OSBPL8: variants seen among roughly 807,000 people sequenced by gnomAD.
The protein encoded by OSBPL8 is oxysterol-binding protein-related protein 8.
In OSBPL8, 59 loss-of-function variants were observed where a neutral mutation model predicts 125.5. The observed-to-expected ratio is 0.47, with a 90% CI of 0.38 to 0.58. The LOEUF (loss-of-function observed/expected upper bound fraction) is 0.58, where lower values mean the gene tolerates loss of function less well. Among genes scored for constraint, OSBPL8 ranks in the 20% least tolerant of loss-of-function variants. The pLI, the probability that OSBPL8 is intolerant of heterozygous loss-of-function variation, is 0.00. For synonymous variants in OSBPL8, 330 were observed against 338.9 expected (o/e 0.97, Z 0.29); for missense variants, 758 against 1,047.8 (o/e 0.72, Z 3.82).
At chr12:76,365,601 T>C (rs1031033999) in intron 21 of OSBPL8, among the ~76,000 whole-genome samples, 2 of 152,218 alleles carry the variant, frequency 1.3e-5, no homozygotes, top group Non-Finnish European at 2.9e-5. Context: ...TCTCTTTTTT[T>C]TCTTGCTCTG....
chr12:76,536,362 A>T (rs1025496818), intron 1 of OSBPL8, among the ~76,000 whole-genome samples: 1 of 151,914 alleles, frequency 6.6e-6, no homozygotes, highest in African/African-American at 2.4e-5. Flanking sequence ...AAATACTAAA[A>T]ATACCAAAAA....
chr12:76,547,900 G>A (rs1380897466), intron 1 of OSBPL8, among the ~76,000 whole-genome samples: 1 of 152,126 alleles, frequency 6.6e-6, no homozygotes, highest in Non-Finnish European at 1.5e-5. Flanking sequence ...TATGAAGCAA[G>A]CAAGAATTCA....
rs148706221 is a variant in OSBPL8, at chr12:76,381,870, G to A, written c.1630+2384C>T. 3.8e-3 allele frequency among the ~76,000 whole-genome samples: 573 copies of A among 152,116 alleles called. 4 individuals carry two copies. Among genetic ancestry groups the A allele is most frequent in the African/African-American group, 0.013 (556 of 41,488 alleles). On this transcript the variant is annotated intron_variant, in intron 15 of 23. Coordinates refer to ENST00000261183, the MANE Select transcript of OSBPL8 (RefSeq NM_020841.5). ...CTGCCTTAGCACTCCAAGTAGCTGG[G>A]ATTACAGGTGTACACCACCATGCCC... is the stretch of plus-strand genomic sequence containing the variant.
At chr12:76,465,165 T>G (rs1208165602) in intron 2 of OSBPL8, among the ~76,000 whole-genome samples, 1 of 152,206 alleles carries the variant, frequency 6.6e-6, no homozygotes, top group Non-Finnish European at 1.5e-5. Context: ...AAGAATATTA[T>G]CTGGCCTGCC....
At chr12:76,457,132 T>C (rs1204221149) in intron 3 of OSBPL8, among the ~76,000 whole-genome samples, 2 of 152,194 alleles carry the variant, frequency 1.3e-5, no homozygotes, top group African/African-American at 4.8e-5. Flanking sequence ...AATAACTTCA[T>C]ACAGAGATGA....
At chr12:76,522,163 C>G (rs1882125046) in intron 1 of OSBPL8, among the ~76,000 whole-genome samples, 1 of 152,116 alleles carries the variant, frequency 6.6e-6, no homozygotes, top group Non-Finnish European at 1.5e-5. Flanking sequence ...ATGCTCTCAT[C>G]TCATTTGTGA....
rs538412939 is a variant in OSBPL8 at position 76,509,716 on chromosome 12, T to C, written c.-67-22098A>G. Among the ~76,000 whole-genome samples the C allele has an allele frequency of 2.8e-3, 429 of 152,258 alleles. 2 individuals carry two copies. The highest frequency in any genetic ancestry group is 0.017 in the Middle Eastern group (5 of 294). ...GGAAGGCAAACAAAAAGTTGGACAC[T>C]GATGGACAAGAAGGAAGTGGATTAG... is the stretch of plus-strand genomic sequence containing the variant. On this transcript the variant is annotated intron_variant, in intron 1 of 23. Transcript: ENST00000261183.
At chr12:76,407,273 A>T (rs904978714) in intron 5 of OSBPL8, among the ~76,000 whole-genome samples, 1 of 152,184 alleles carries the variant, frequency 6.6e-6, no homozygotes, top group African/African-American at 2.4e-5. Flanking sequence ...TATATTTGAG[A>T]CAAGGTCTCA....
chr12:76,395,612 A>G (rs1347163306), intron 8 of OSBPL8, among the ~76,000 whole-genome samples: 1 of 152,204 alleles, frequency 6.6e-6, no homozygotes, highest in African/African-American at 2.4e-5. Flanking sequence ...ACCAGTATAT[A>G]GTGGGACATG....
chr12:76,544,471 T>C (rs1372407485), intron 1 of OSBPL8, among the ~76,000 whole-genome samples: 1 of 152,202 alleles, frequency 6.6e-6, no homozygotes. Context: ...AGTGATATTA[T>C]TGAAATAAGG....
At chr12:76,390,802 A>G (rs1446788471) in intron 10 of OSBPL8, 145 bp from the exon 11 acceptor site, 7 of 598,638 alleles carry the variant, frequency 1.2e-5, no homozygotes, top group Non-Finnish European at 2.1e-5. Context: ...AATTCACTTA[A>G]TCTTCAAAAT....
rs143827329 is a variant in OSBPL8 at position 76,392,422 on chromosome 12, A to G, written c.929+159T>C. 2.0e-5 allele frequency among the ~76,000 whole-genome samples: 3 copies of G among 152,364 alleles called. No homozygotes were observed. The East Asian group carries it at 5.8e-4, about 29-fold the overall frequency. ...GAAATACATTTCTACACCTGATTAT[A>G]GCAGCTAAACAAATTTTAAGCCGGT... is the stretch of plus-strand genomic sequence containing the variant. On this transcript the variant is annotated intron_variant, in intron 10 of 23. Coordinates refer to ENST00000261183, the MANE Select transcript of OSBPL8 (RefSeq NM_020841.5).
chr12:76,448,789 C>A (rs902942820), intron 4 of OSBPL8, among the ~76,000 whole-genome samples: 1 of 152,046 alleles, frequency 6.6e-6, no homozygotes, highest in East Asian at 1.9e-4. Context: ...CCAAGGTGGG[C>A]GGATCACAAG....
At chr12:76,556,356 T>A (rs116763984) in intron 1 of OSBPL8, among the ~76,000 whole-genome samples, 3,944 of 152,228 alleles carry the variant, frequency 0.026, 49 homozygotes, top group Admixed American at 0.038. Context: ...GCTCTCTCCC[T>A]TGCAAGCTTG....
chr12:76,510,796 G>A (rs1002213985), intron 1 of OSBPL8, among the ~76,000 whole-genome samples: 1 of 151,330 alleles, frequency 6.6e-6, no homozygotes, highest in East Asian at 1.9e-4. Context: ...CAGGAGAATC[G>A]CTTGACCCCG....
intron 1 of OSBPL8, among the ~76,000 whole-genome samples, chr12:76,490,112 A>C (rs1878554629): frequency 6.6e-6 from 1 of 152,224 alleles, no homozygotes; most frequent in Non-Finnish European, 1.5e-5. Context: ...AACTTGAATG[A>C]ATGAGGACTT....
At chr12:76,536,072 T>A (rs1381857962) in intron 1 of OSBPL8, among the ~76,000 whole-genome samples, 3 of 151,854 alleles carry the variant, frequency 2.0e-5, no homozygotes, top group Admixed American at 1.3e-4. Context: ...TTTTTTAGTA[T>A]TTTTTTTAAG....
intron 3 of OSBPL8, 34 bp downstream of exon 3, chr12:76,459,825 C>T (rs1378156232): frequency 6.2e-7 from 1 of 1,611,972 alleles, no homozygotes; most frequent in Non-Finnish European, 8.5e-7. Context: ...ATTATCATGT[C>T]CCCAAACATG....
At chr12:76,443,309 G>C (rs561681313) in intron 4 of OSBPL8, among the ~76,000 whole-genome samples, 2 of 152,164 alleles carry the variant, frequency 1.3e-5, no homozygotes, top group East Asian at 3.9e-4. Flanking sequence ...CCAAGAATGA[G>C]AGTAGCTACA....
Sources: allele counts gnomAD v4.1 joint callset (sites outside exome capture counted in the v4.1 genomes callset), GRCh38; gene constraint gnomAD v4.1.1; transcripts MANE v1.5; gene names NCBI Gene and HGNC (gene_info 2026-07-23, HGNC 2026-07-21).